Variants in CNOT4 observed in about 807,000 individuals in gnomAD.
CNOT4 encodes CCR4-associated factor 4.
CNOT4 carries 8 observed loss-of-function variants against 73.8 expected under a neutral mutation model. The ratio of observed to expected loss-of-function variants is 0.11; its 90% CI spans 0.06 to 0.20. The LOEUF is 0.20. CNOT4 is among the 10% of genes least tolerant of loss of function. The pLI, the probability that CNOT4 is intolerant of heterozygous loss-of-function variation, is 1.00. For missense variants in CNOT4, 564 were observed against 883.4 expected (o/e 0.64, Z 4.58); for synonymous variants, 293 against 321.1 (o/e 0.91, Z 0.94).
intron 1 of CNOT4, among the ~76,000 whole-genome samples, chr7:135,471,621 ATATG>A (rs1179301911): frequency 1.3e-5 from 2 of 152,230 alleles, no homozygotes; most frequent in Middle Eastern, 3.2e-3. Context: ...TTTTATGTAT[ATATG>A]TATGTATTTA....
intron 1 of CNOT4, among the ~76,000 whole-genome samples, chr7:135,453,826 T>TATATA (rs1800335679): frequency 1.1e-5 from 1 of 89,902 alleles, no homozygotes; most frequent in African/African-American, 3.9e-5. Flanking sequence ...TATATATATT[T>TATATA]TATATATATA....
chr7:135,431,379 G>C (rs1015536636), intron 2 of CNOT4, among the ~76,000 whole-genome samples: 1 of 152,144 alleles, frequency 6.6e-6, no homozygotes, highest in African/African-American at 2.4e-5. Context: ...AATTAACAAG[G>C]CTTCTTGATA....
At chr7:135,369,288 T>C (rs1239443422) in intron 10 of CNOT4, among the ~76,000 whole-genome samples, 2 of 152,192 alleles carry the variant, frequency 1.3e-5, no homozygotes, top group Non-Finnish European at 2.9e-5. Context: ...CACGAATATA[T>C]TTTTGTGCCA....
chr7:135,414,295 T>C (rs751230200), intron 5 of CNOT4, 36 bp downstream of exon 5: 23 of 684,428 alleles, frequency 3.4e-5, no homozygotes, highest in Non-Finnish European at 1.8e-5. Context: ...TCGTCTTCCT[T>C]AAAAAAAAAA....
chr7:135,417,281 A>T (rs1274589972), intron 3 of CNOT4, among the ~76,000 whole-genome samples: 1 of 152,236 alleles, frequency 6.6e-6, no homozygotes, highest in African/African-American at 2.4e-5. Flanking sequence ...CTCTCCAGTG[A>T]TATTAATGTT....
At position 135,362,659 on chromosome 7, in the gene CNOT4, C is replaced by A. The variant is rs1225143549; in HGVS notation, c.*226G>T. The A allele has an allele frequency of 1.5e-6, 1 of 658,752 alleles. No individual in the cohort carries two copies. Among genetic ancestry groups the A allele is most frequent in the South Asian group, 1.7e-5 (1 of 59,628 alleles). 40.8% of individuals were successfully genotyped at this position (658,752 alleles called of 1,614,324 possible). A position where few individuals can be genotyped will look rare whatever the true frequency, so the allele number is the denominator to read the frequency against. Reference sequence around the variant, plus strand: ...TTAAAAAGGCATTTTTAGAAACATTCAACAGTGTCACTCAAATGCTGGATC... The same window carrying A: ...TTAAAAAGGCATTTTTAGAAACATTAAACAGTGTCACTCAAATGCTGGATC... On this transcript the variant is annotated 3_prime_UTR_variant, in exon 12 of 12. Coordinates refer to ENST00000541284, the MANE Select transcript of CNOT4 (RefSeq NM_001190850.2).
intron 1 of CNOT4, among the ~76,000 whole-genome samples, chr7:135,496,676 T>C (rs1803608282): frequency 6.6e-6 from 1 of 152,106 alleles, no homozygotes; most frequent in Non-Finnish European, 1.5e-5. Flanking sequence ...TTAGAAAATC[T>C]CTTCCTTTGG....
chr7:135,438,104 C>G, intron 2 of CNOT4, 54 bp downstream of exon 2: 1 of 1,004,262 alleles, frequency 1.0e-6, no homozygotes, highest in Admixed American at 1.9e-5. Flanking sequence ...TACATGGCAG[C>G]AAAAAACTAT....
At chr7:135,508,776 G>A (rs1804539068) in intron 1 of CNOT4, among the ~76,000 whole-genome samples, 1 of 152,108 alleles carries the variant, frequency 6.6e-6, no homozygotes, top group Non-Finnish European at 1.5e-5. Context: ...TTTGCTAGCG[G>A]AGTTCACAGA....
intron 1 of CNOT4, among the ~76,000 whole-genome samples, chr7:135,471,727 T>C (rs1400631676): frequency 6.6e-6 from 1 of 152,244 alleles, no homozygotes; most frequent in Non-Finnish European, 1.5e-5. Flanking sequence ...AGCTCCTGTA[T>C]ATACAATGAC....
intron 1 of CNOT4, among the ~76,000 whole-genome samples, chr7:135,495,153 T>C (rs1006489815): frequency 6.6e-6 from 1 of 152,120 alleles, no homozygotes; most frequent in African/African-American, 2.4e-5. Context: ...ACATATACAA[T>C]ACATATTCCC....
chr7:135,419,487 A>T (rs909114250), intron 3 of CNOT4, among the ~76,000 whole-genome samples: 3 of 152,204 alleles, frequency 2.0e-5, no homozygotes, highest in Non-Finnish European at 4.4e-5. Context: ...TTTAATAAAA[A>T]ACAAAACACT....
chr7:135,444,963 T>C (rs200585984), intron 1 of CNOT4: 13 of 1,389,402 alleles, frequency 9.4e-6, no homozygotes, highest in Non-Finnish European at 1.2e-5. Context: ...GAAGAACTGA[T>C]GTAAGCCTCT....
In CNOT4 at chr7:135,394,116, G is replaced by T. The variant is rs757791803; in HGVS notation, c.1429C>A (p.Pro477Thr). The T allele has an allele frequency of 6.2e-7, 1 of 1,614,160 alleles. No homozygotes were observed. The highest frequency in any genetic ancestry group is 1.7e-5 in the Admixed American group (1 of 60,024). ...ACCGCTCGGTGCTGCTGAAATTGAG[G>T]GAACCTCTGGGGCAAGACTGAAAAG... is the stretch of plus-strand genomic sequence containing the variant. ...STFSVLPQRFPQFQQHRAVYN... is the reference protein window; with the variant it reads ...STFSVLPQRFTQFQQHRAVYN... The change falls in exon 10 of 12, where the codon CCT becomes ACT. Residue 477 changes from proline (P) to threonine (T), a missense_variant. By Grantham distance (38) the Pro-to-Thr change is conservative. Coordinates refer to ENST00000541284, the MANE Select transcript of CNOT4 (RefSeq NM_001190850.2).
At chr7:135,472,492 AAAAAAAAAAAAAAAAAAAAAAAATATAT>A (rs1801656425) in intron 1 of CNOT4, among the ~76,000 whole-genome samples, 1 of 36,072 alleles carries the variant, frequency 2.8e-5, no homozygotes, top group Non-Finnish European at 4.8e-5. Flanking sequence ...AAAAAAAAAA[AAAAAAAAAAAAAAAAAAAAAAAATATAT>A]ATATATATAT....
chr7:135,399,120 G>C (rs915972727), intron 7 of CNOT4, among the ~76,000 whole-genome samples: 8 of 151,876 alleles, frequency 5.3e-5, no homozygotes, highest in African/African-American at 1.7e-4. Context: ...CACTGCAACA[G>C]TGTACTGATA....
intron 1 of CNOT4, among the ~76,000 whole-genome samples, chr7:135,480,168 TTTCTAGTAG>T (rs1802280645): frequency 6.6e-6 from 1 of 152,190 alleles, no homozygotes; most frequent in South Asian, 2.1e-4. Flanking sequence ...TTAACAATAA[TTTCTAGTAG>T]TCTGGGAGTA....
intron 10 of CNOT4, chr7:135,388,551 T>C (rs1032530111): frequency 1.8e-6 from 2 of 1,088,094 alleles, no homozygotes; most frequent in South Asian, 4.1e-5. Context: ...TTTTTATGAG[T>C]TAGAAATAGT....
At chr7:135,431,533 G>C (rs1221457844) in intron 2 of CNOT4, among the ~76,000 whole-genome samples, 1 of 152,108 alleles carries the variant, frequency 6.6e-6, no homozygotes, top group East Asian at 1.9e-4. Context: ...CACGAGGTCA[G>C]GAGATTGAGA....
Sources: allele counts gnomAD v4.1 joint callset (sites outside exome capture counted in the v4.1 genomes callset), GRCh38; gene constraint gnomAD v4.1.1; transcripts MANE v1.5; gene names NCBI Gene and HGNC (gene_info 2026-07-23, HGNC 2026-07-21).